Variants in MRAP2 observed in about 807,000 individuals in gnomAD.
MRAP2 encodes the protein melanocortin-2 receptor accessory protein 2.
A neutral mutation model predicts 17.4 loss-of-function variants in MRAP2; 20 were observed. The ratio of observed to expected loss-of-function variants is 1.15; its 90% CI spans 0.81 to 1.67. The LOEUF is 1.67. Ranked by LOEUF, MRAP2 falls within the 40% of genes most tolerant of loss-of-function variation. The probability of loss-of-function intolerance (pLI) is 0.00; values close to 1 mark genes in which losing one functional copy is unlikely to be tolerated. For missense variants in MRAP2, 238 were observed against 240.0 expected, an observed-to-expected ratio of 0.99 and a Z score of 0.05; for synonymous variants, 96 against 88.4, an observed-to-expected ratio of 1.09 and a Z score of -0.48.
intron 1 of MRAP2, among the ~76,000 whole-genome samples, chr6:84,042,979 T>A (rs1477298221): frequency 6.6e-6 from 1 of 152,216 alleles, no homozygotes; most frequent in Non-Finnish European, 1.5e-5. Context: ...CTCAGGACCA[T>A]AATAAATAGT....
intron 3 of MRAP2, among the ~76,000 whole-genome samples, chr6:84,063,663 G>A (rs1204967084): frequency 6.6e-6 from 1 of 152,108 alleles, no homozygotes; most frequent in Non-Finnish European, 1.5e-5. Flanking sequence ...TATATTAAAG[G>A]ATTTATATAT....
the MRAP2 span, among the ~76,000 whole-genome samples, chr6:84,118,718 T>G: frequency 6.8e-6 from 1 of 146,400 alleles, no homozygotes. Flanking sequence ...TCCAAGCCAG[T>G]GTGTCTTATC....
At chr6:84,119,068 G>C in the MRAP2 span, among the ~76,000 whole-genome samples, 1 of 152,104 alleles carries the variant, frequency 6.6e-6, no homozygotes, top group Non-Finnish European at 1.5e-5. Flanking sequence ...ATAATATACT[G>C]TTTTGATTAC....
rs564242560 is a variant in MRAP2 at position 84,033,951 on chromosome 6, A to T, written c.-8+68A>T. The T allele has an allele frequency of 6.0e-4, 590 of 980,298 alleles. 3 individuals carry two copies. The African/African-American group carries it at 8.6e-3, about 14-fold the overall frequency. 60.7% of individuals were successfully genotyped at this position (980,298 alleles called of 1,614,324 possible). A position where few individuals can be genotyped will look rare whatever the true frequency, so the allele number is the denominator to read the frequency against. On this transcript the variant is annotated intron_variant, in intron 1 of 3. Transcript: ENST00000257776. ...CGGGCGCTGGGTGCGGGGCGCGTGC[A>T]GCTTTGGTCAAGGCAGGGCTTGCTT...
chr6:84,122,947 A>C, the MRAP2 span, among the ~76,000 whole-genome samples: 1 of 151,994 alleles, frequency 6.6e-6, no homozygotes, highest in East Asian at 1.9e-4. Context: ...ATTCAAGCTG[A>C]GAACAAAATT....
intron 3 of MRAP2, among the ~76,000 whole-genome samples, chr6:84,083,155 A>G (rs1229550035): frequency 6.6e-6 from 1 of 152,210 alleles, no homozygotes; most frequent in Non-Finnish European, 1.5e-5. Context: ...AAAAAAACAA[A>G]CAAACAAAAA....
intron 1 of MRAP2, among the ~76,000 whole-genome samples, chr6:84,055,033 T>C (rs1222382814): frequency 6.6e-6 from 1 of 152,218 alleles, no homozygotes; most frequent in Non-Finnish European, 1.5e-5. Context: ...CATCAGTTAC[T>C]GAACATTTGT....
chr6:84,114,631 T>A, the MRAP2 span, among the ~76,000 whole-genome samples: 9 of 152,266 alleles, frequency 5.9e-5, no homozygotes, highest in Non-Finnish European at 1.0e-4. Context: ...GGTGAGGAGT[T>A]GTGATCCTTT....
chr6:84,136,349 C>G, the MRAP2 span, among the ~76,000 whole-genome samples: 1 of 152,106 alleles, frequency 6.6e-6, no homozygotes, highest in African/African-American at 2.4e-5. Context: ...CTGGGAAGGG[C>G]CTTTTGCTGC....
the MRAP2 span, among the ~76,000 whole-genome samples, chr6:84,133,267 C>T: frequency 6.6e-6 from 1 of 152,120 alleles, no homozygotes; most frequent in East Asian, 1.9e-4. Flanking sequence ...GTCAGTTGGC[C>T]CCTATTGGGA....
rs538217409 is a variant in MRAP2 at position 84,062,719 on chromosome 6, C to G, written c.128-174C>G. On this transcript the variant is annotated intron_variant, in intron 2 of 3. Transcript: ENST00000257776. ...GACAGAAACCTGGAGGCGGAGCAGA[C>G]TCTTCCCTCCTCCTCATCCTTTACA... 2.3e-4 allele frequency: 231 copies of G among 985,336 alleles called. 2 individuals are homozygous for G. Among genetic ancestry groups the G allele is most frequent in the Non-Finnish European group, 8.1e-5 (67 of 829,854 alleles). 61.0% of individuals were successfully genotyped at this position (985,336 alleles called of 1,614,324 possible).
chr6:84,145,352 A>G, the MRAP2 span, among the ~76,000 whole-genome samples: 21 of 152,282 alleles, frequency 1.4e-4, no homozygotes, highest in South Asian at 4.3e-3. Flanking sequence ...CCAGCAAAAC[A>G]GACTTATAAA....
the MRAP2 span, among the ~76,000 whole-genome samples, chr6:84,131,222 G>A: frequency 2.6e-5 from 4 of 151,246 alleles, no homozygotes; most frequent in Non-Finnish European, 5.9e-5. Context: ...CTGAGAGACT[G>A]TTTGTTATGA....
At chr6:84,144,174 T>C in the MRAP2 span, among the ~76,000 whole-genome samples, 1 of 152,058 alleles carries the variant, frequency 6.6e-6, no homozygotes, top group Non-Finnish European at 1.5e-5. Flanking sequence ...CTTTCTCCTT[T>C]TACAAATAGA....
At chr6:84,059,695 C>G (rs2099492606) in intron 2 of MRAP2, among the ~76,000 whole-genome samples, 2 of 152,128 alleles carry the variant, frequency 1.3e-5, no homozygotes, top group African/African-American at 2.4e-5. Flanking sequence ...ATTGTTCTAC[C>G]CCTTTACAAT....
intron 1 of MRAP2, among the ~76,000 whole-genome samples, chr6:84,047,293 C>G (rs1388437302): frequency 6.6e-6 from 1 of 152,000 alleles, no homozygotes; most frequent in African/African-American, 2.4e-5. Context: ...CAGGTTCAAG[C>G]AATTCTTGTG....
At chr6:84,092,802 GA>G (rs1302995819), downstream of MRAP2, among the ~76,000 whole-genome samples, 2 of 151,992 alleles carry the variant, frequency 1.3e-5, no homozygotes, top group East Asian at 3.9e-4. Context: ...CCATTTGGTT[GA>G]AAAAAAATCT....
chr6:84,033,751 C>A (rs1380659341), upstream of MRAP2: 44 of 985,630 alleles, frequency 4.5e-5, 1 homozygote, highest in South Asian at 4.6e-5. Context: ...GCGTCTCCGC[C>A]GCACCTCGGA....
the MRAP2 span, among the ~76,000 whole-genome samples, chr6:84,113,589 A>T: frequency 1.3e-5 from 2 of 152,046 alleles, no homozygotes; most frequent in African/African-American, 4.8e-5. Flanking sequence ...TTTACATTTA[A>T]GGTTAATATT....
Sources: gnomAD v4.1 joint callset for allele counts (sites outside exome capture counted in the v4.1 genomes callset) on GRCh38, gnomAD v4.1.1 for gene constraint, MANE v1.5 for transcripts, NCBI Gene and HGNC (gene_info 2026-07-23, HGNC 2026-07-21) for gene names.